FAM3D: variants seen among roughly 807,000 people sequenced by gnomAD.
The protein encoded by FAM3D is FAM3 metabolism regulating signaling molecule D.
FAM3D carries 26 observed loss-of-function variants against 29.8 expected under a neutral mutation model. That is an observed-to-expected ratio of 0.87 (90% CI 0.64 to 1.21). FAM3D has a LOEUF of 1.21. Ranked by LOEUF, FAM3D falls within the 50% of genes most tolerant of loss-of-function variation. The pLI, the probability that FAM3D is intolerant of heterozygous loss-of-function variation, is 0.00. For missense variants in FAM3D, 253 were observed against 290.9 expected (o/e 0.87, Z 0.95); for synonymous variants, 115 against 102.3 (o/e 1.12, Z -0.75).
rs2066404423 is a variant in FAM3D, at chr3:58,643,856, C to A, written c.264-136G>T. 5.1e-6 allele frequency: 4 copies of A among 782,362 alleles called. No homozygotes were observed. In the Admixed American group the frequency reaches 6.0e-5, roughly 12 times the overall value. 48.5% of individuals were successfully genotyped at this position (782,362 alleles called of 1,614,324 possible). On this transcript the variant is annotated intron_variant, in intron 5 of 9. Coordinates refer to ENST00000358781, the MANE Select transcript of FAM3D (RefSeq NM_138805.3). ...TGGGAAACACATGCAATAACTGGGG[C>A]CATCTGTTTTCTCCTGAAAACTAGT...
At chr3:58,636,175 T>C (rs1284162016) in intron 9 of FAM3D, 119 bp downstream of exon 9, 1 of 1,455,970 alleles carries the variant, frequency 6.9e-7, no homozygotes, top group East Asian at 2.3e-5. Flanking sequence ...GCCAGGGGCC[T>C]CTCCCCAGAC....
At chr3:58,655,663 A>G in intron 1 of FAM3D, 62 bp from the exon 2 acceptor site, 1 of 1,378,072 alleles carries the variant, frequency 7.3e-7, no homozygotes, top group Non-Finnish European at 1.0e-6. Context: ...TCAAGCCTGA[A>G]GATGAGGGAA....
chr3:58,655,716 T>G, intron 1 of FAM3D, 115 bp from the exon 2 acceptor site: 2 of 798,074 alleles, frequency 2.5e-6, no homozygotes, highest in Non-Finnish European at 3.8e-6. Context: ...TCAGTTGGGT[T>G]CCTCACCACC....
chr3:58,644,638 T>C (rs1019483039), intron 5 of FAM3D, among the ~76,000 whole-genome samples: 3 of 152,182 alleles, frequency 2.0e-5, no homozygotes, highest in African/African-American at 7.2e-5. Flanking sequence ...ATCAATGAAA[T>C]ACAGGCTTGG....
intron 3 of FAM3D, 138 bp downstream of exon 3, chr3:58,653,536 C>G: frequency 1.2e-6 from 1 of 819,308 alleles, no homozygotes; most frequent in Non-Finnish European, 2.0e-6. Context: ...GGTGCCCCCT[C>G]TCCCTGCAAT....
At chr3:58,658,932 C>G (rs972109948) in intron 1 of FAM3D, among the ~76,000 whole-genome samples, 1 of 152,188 alleles carries the variant, frequency 6.6e-6, no homozygotes, top group African/African-American at 2.4e-5. Flanking sequence ...AGGGGCAGAG[C>G]AGCTGGGGCA....
chr3:58,636,423 G>T lies in FAM3D; in HGVS notation c.459-3C>A. The T allele has an allele frequency of 1.2e-6, 2 of 1,614,082 alleles. No homozygotes were observed. Among genetic ancestry groups the T allele is most frequent in the Non-Finnish European group, 1.7e-6 (2 of 1,179,990 alleles). On this transcript the variant is annotated splice_polypyrimidine_tract_variant and splice_region_variant and intron_variant, in intron 8 of 9. Coordinates refer to ENST00000358781, the MANE Select transcript of FAM3D (RefSeq NM_138805.3). ...GTTTCCTGCTTTCATCGTTCATTCTGCAGAGGACCAGAGAGGATGGTCAGG... is the reference window on the plus strand; with the variant it reads ...GTTTCCTGCTTTCATCGTTCATTCTTCAGAGGACCAGAGAGGATGGTCAGG...
At chr3:58,637,678 A>T (rs771987882) in intron 7 of FAM3D, among the ~76,000 whole-genome samples, 1 of 152,076 alleles carries the variant, frequency 6.6e-6, no homozygotes, top group Non-Finnish European at 1.5e-5. Context: ...GCCTCAGACA[A>T]CTGAGATCCC....
chr3:58,638,692 G>C (rs1003013785), intron 7 of FAM3D, among the ~76,000 whole-genome samples: 1 of 152,166 alleles, frequency 6.6e-6, no homozygotes, highest in African/African-American at 2.4e-5. Flanking sequence ...CAGGTCATAG[G>C]CCCACAAAGC....
intron 6 of FAM3D, among the ~76,000 whole-genome samples, chr3:58,642,989 C>T (rs2066376179): frequency 6.6e-6 from 1 of 152,230 alleles, no homozygotes; most frequent in East Asian, 1.9e-4. Flanking sequence ...AAAGAGCCTT[C>T]CCCAATTTTC....
rs1030792574 is a variant in FAM3D at position 58,655,571 on chromosome 3, A to T, written c.-8T>A. Reference sequence around the variant, plus strand: ...CCTACCTGACACTCTCATCCTGTCCAGGTGAAGGGTGGCTTGGGGTCAGCT... The same window carrying T: ...CCTACCTGACACTCTCATCCTGTCCTGGTGAAGGGTGGCTTGGGGTCAGCT... On this transcript the variant is annotated 5_prime_UTR_variant, in exon 2 of 10. Transcript: ENST00000358781. The T allele has an allele frequency of 1.2e-6, 2 of 1,613,366 alleles. No homozygotes were observed. The highest frequency in any genetic ancestry group is 1.7e-6 in the Non-Finnish European group (2 of 1,179,608).
rs1340415583 is a variant in FAM3D at position 58,645,650 on chromosome 3, T to C, written c.146-24A>G. On this transcript the variant is annotated intron_variant, in intron 4 of 9. Coordinates refer to ENST00000358781, the MANE Select transcript of FAM3D (RefSeq NM_138805.3). The stretch of plus-strand genomic sequence containing the variant: ...CTCTGGGGAGGAAAGAGACCAGCCT[T>C]GGTGGGCAGAAGCTCAGGAGGTACT... 5.6e-6 allele frequency: 9 copies of C among 1,601,578 alleles called. 1 individual carries two copies. The South Asian group carries it at 8.8e-5, about 16-fold the overall frequency.
chr3:58,637,864 T>C (rs950326125), intron 7 of FAM3D, among the ~76,000 whole-genome samples: 1 of 86,702 alleles, frequency 1.2e-5, no homozygotes, highest in African/African-American at 4.1e-5. Flanking sequence ...AAGAGGCTGA[T>C]TTGTTTCCCT....
At chr3:58,653,033 C>T (rs2066692429) in intron 3 of FAM3D, among the ~76,000 whole-genome samples, 1 of 151,892 alleles carries the variant, frequency 6.6e-6, no homozygotes, top group African/African-American at 2.4e-5. Context: ...GTGCCAGGCA[C>T]TAGAGAGGTG....
intron 3 of FAM3D, among the ~76,000 whole-genome samples, chr3:58,651,804 T>C (rs1357201763): frequency 6.7e-6 from 1 of 149,528 alleles, no homozygotes; most frequent in African/African-American, 2.5e-5. Flanking sequence ...CACTGTCTAG[T>C]TTGTAAAAGC....
chr3:58,654,692 C>T (rs1371942734), intron 2 of FAM3D, among the ~76,000 whole-genome samples: 2 of 152,026 alleles, frequency 1.3e-5, no homozygotes, highest in Non-Finnish European at 2.9e-5. Flanking sequence ...CTGTTGGCAT[C>T]TCCCCTGCTC....
At chr3:58,636,273 G>A (rs367967381) in intron 9 of FAM3D, 21 bp downstream of exon 9, 120 of 1,610,642 alleles carry the variant, frequency 7.5e-5, no homozygotes, top group Middle Eastern at 1.8e-4. Flanking sequence ...TCATAGGGCC[G>A]GGTTGTGGCC....
chr3:58,643,582 T>C (rs1399381198), intron 6 of FAM3D, 80 bp downstream of exon 6: 1 of 1,434,134 alleles, frequency 7.0e-7, no homozygotes, highest in Non-Finnish European at 9.8e-7. Context: ...TGAGCCAATG[T>C]TGGTTGAATG....
intron 1 of FAM3D, 144 bp from the exon 2 acceptor site, chr3:58,655,745 G>T: frequency 3.4e-6 from 2 of 587,018 alleles, no homozygotes; most frequent in African/African-American, 1.8e-5. Context: ...GAACAAGAGG[G>T]CAATTTTCCT....
Sources: gnomAD v4.1 joint callset for allele counts (sites outside exome capture counted in the v4.1 genomes callset) on GRCh38, gnomAD v4.1.1 for gene constraint, MANE v1.5 for transcripts, NCBI Gene and HGNC (gene_info 2026-07-23, HGNC 2026-07-21) for gene names.